UBE2D4: variants seen among roughly 807,000 people sequenced by gnomAD.
UBE2D4 encodes the protein ubiquitin conjugating enzyme E2 D4.
A neutral mutation model predicts 23.0 loss-of-function variants in UBE2D4; 17 were observed. The observed-to-expected ratio is 0.74, with a 90% CI of 0.51 to 1.11. UBE2D4 has a LOEUF of 1.11. Among genes scored for constraint, UBE2D4 ranks in the 50% least tolerant of loss-of-function variants. UBE2D4 has a pLI of 0.00. For synonymous variants in UBE2D4, 61 were observed against 69.4 expected, an observed-to-expected ratio of 0.88 and a Z score of 0.60; for missense variants, 139 against 181.8, an observed-to-expected ratio of 0.76 and a Z score of 1.35.
intron 1 of UBE2D4, among the ~76,000 whole-genome samples, chr7:43,932,323 G>A (rs1051617811): frequency 6.6e-6 from 1 of 152,124 alleles, no homozygotes; most frequent in Non-Finnish European, 1.5e-5. Context: ...ACCAGATCTT[G>A]TGAGAAGAGG....
Position 43,926,512 on chromosome 7 carries a change from G to T in UBE2D4, c.-21G>T. 5.3e-6 allele frequency: 8 copies of T among 1,523,560 alleles called. No individual in the cohort carries two copies. Among genetic ancestry groups the T allele is most frequent in the Non-Finnish European group, 7.0e-6 (8 of 1,136,708 alleles). The allele number at this position is 1,523,560 out of a possible 1,614,324, so 94.4% of individuals were successfully genotyped here. A position where few individuals can be genotyped will look rare whatever the true frequency, so the allele number is the denominator to read the frequency against. On this transcript the variant is annotated 5_prime_UTR_variant, in exon 1 of 7. Transcript: ENST00000222402. The stretch of plus-strand genomic sequence containing the variant: ...CAGGCAGCCCCGGCCGGGCCGCCCG[G>T]GTCCCCGGCAGCGGGGTAGGATGGC...
intron 4 of UBE2D4, among the ~76,000 whole-genome samples, chr7:43,945,411 TTCTG>T (rs1414510717): frequency 1.3e-5 from 2 of 152,220 alleles, no homozygotes; most frequent in African/African-American, 2.4e-5. Flanking sequence ...AAGAAAGTGC[TTCTG>T]TCTTTTAAAA....
chr7:43,949,977 C>G (rs1177196951), intron 5 of UBE2D4, among the ~76,000 whole-genome samples: 2 of 152,156 alleles, frequency 1.3e-5, no homozygotes, highest in Non-Finnish European at 2.9e-5. Context: ...GCCTCAGCCT[C>G]CTGAGTAGCT....
At chr7:43,941,408 G>A (rs1019105017) in intron 2 of UBE2D4, 2 of 152,040 alleles carry the variant, frequency 1.3e-5, no homozygotes, top group Non-Finnish European at 2.9e-5. Flanking sequence ...AGCAGTGAAA[G>A]TCACCTGAGA....
chr7:43,948,708 A>T lies in UBE2D4; in HGVS notation c.275A>T (p.Gln92Leu), dbSNP rs760014603. 1 of 1,613,726 alleles carries T rather than the reference A, an allele frequency of 6.2e-7. No homozygotes were observed. Among genetic ancestry groups the T allele is most frequent in the South Asian group, 1.1e-5 (1 of 91,066 alleles). ...ATCTGCCTTGATATCCTGCGGTCTCAGTGGTCTCCAGCGTTGACTGTGTCA... is the reference window on the plus strand; with the variant it reads ...ATCTGCCTTGATATCCTGCGGTCTCTGTGGTCTCCAGCGTTGACTGTGTCA... Reference protein sequence around the residue: ...GSICLDILRSQWSPALTVSKV... With the variant: ...GSICLDILRSLWSPALTVSKV... The change falls in exon 5 of 7, where the codon CAG (glutamine) becomes CTG (leucine). Residue 92 changes from glutamine (Q) to leucine (L), a missense_variant. Physicochemically the swap from Gln to Leu is moderately radical, Grantham distance 113. Transcript: ENST00000222402.
chr7:43,933,128 A>G (rs934970080), intron 1 of UBE2D4, among the ~76,000 whole-genome samples: 1 of 149,788 alleles, frequency 6.7e-6, no homozygotes, highest in Non-Finnish European at 1.5e-5. Context: ...ATATGTGTGT[A>G]TATACATATA....
At chr7:43,949,679 C>T (rs752305788) in intron 5 of UBE2D4, among the ~76,000 whole-genome samples, 3 of 152,236 alleles carry the variant, frequency 2.0e-5, no homozygotes, top group Non-Finnish European at 4.4e-5. Context: ...GTGCATTTCT[C>T]TCTGGGACCC....
At chr7:43,951,675 C>A (rs753757401) in intron 6 of UBE2D4, among the ~76,000 whole-genome samples, 1 of 152,082 alleles carries the variant, frequency 6.6e-6, no homozygotes, top group Non-Finnish European at 1.5e-5. Context: ...GGACTACAGG[C>A]GTGTCCCACC....
At chr7:43,937,393 G>A (rs180914186) in intron 1 of UBE2D4, among the ~76,000 whole-genome samples, 1 of 152,350 alleles carries the variant, frequency 6.6e-6, no homozygotes, top group East Asian at 1.9e-4. Context: ...TTCTGAGCCT[G>A]TCCTTGGTCC....
At chr7:43,929,016 G>C (rs1456155977) in intron 1 of UBE2D4, among the ~76,000 whole-genome samples, 1 of 152,168 alleles carries the variant, frequency 6.6e-6, no homozygotes. Context: ...GGACAGGCTG[G>C]GTACAGTGGC....
At chr7:43,940,561 G>A (rs1389893253) in intron 2 of UBE2D4, among the ~76,000 whole-genome samples, 1 of 152,212 alleles carries the variant, frequency 6.6e-6, no homozygotes, top group Non-Finnish European at 1.5e-5. Context: ...CAGTGGATGA[G>A]GTTCAGACAG....
intron 6 of UBE2D4, among the ~76,000 whole-genome samples, chr7:43,951,158 C>T (rs561526186): frequency 1.6e-4 from 25 of 152,224 alleles, no homozygotes; most frequent in Non-Finnish European, 3.1e-4. Context: ...TTCGCTGGCT[C>T]AGCTCAGAAG....
chr7:43,942,455 G>A (rs1020229959), intron 2 of UBE2D4: 7 of 397,420 alleles, frequency 1.8e-5, no homozygotes, highest in East Asian at 5.3e-5. Context: ...TTCTGAATAC[G>A]GAGGCTCCAG....
chr7:43,947,060 G>A (rs374223487), intron 4 of UBE2D4: 1 of 151,752 alleles, frequency 6.6e-6, no homozygotes, highest in East Asian at 1.9e-4. Flanking sequence ...CCTGGTATGT[G>A]ATGTTCCCCG....
At chr7:43,934,028 C>G (rs147839761) in intron 1 of UBE2D4, among the ~76,000 whole-genome samples, 3 of 152,106 alleles carry the variant, frequency 2.0e-5, no homozygotes, top group African/African-American at 7.2e-5. Context: ...AAAAGAAAAG[C>G]TTTTGTGAAC....
In UBE2D4 at chr7:43,950,603, CTT is replaced by C; in HGVS notation, c.310_311del (p.Leu104ValfsTer13). 1 of 1,614,170 alleles carries C rather than the reference CTT, an allele frequency of 6.2e-7. No individual in the cohort carries two copies. Among genetic ancestry groups the C allele is most frequent in the Non-Finnish European group, 8.5e-7 (1 of 1,179,972 alleles). On this transcript the variant is annotated frameshift_variant, in exon 6 of 7. Coordinates refer to ENST00000222402, the MANE Select transcript of UBE2D4 (RefSeq NM_015983.4). LOFTEE classifies it high-confidence loss of function. ...AACCTTTTCTTTTCTTCCCAGTTCT[CTT>C]GTCCATCTGCTCGCTGCTCTGCGAC... is the stretch of plus-strand genomic sequence containing the variant. ...SPALTVSKVL[L>X]SICSLLCDPN...
In UBE2D4 at chr7:43,953,363, T is replaced by G; in HGVS notation, c.*668T>G. 2.9e-6 allele frequency: 1 copy of G among 350,874 alleles called. No homozygotes were observed. The highest frequency in any genetic ancestry group is 2.1e-5 in the South Asian group (1 of 47,336). 21.7% of individuals were successfully genotyped at this position (350,874 alleles called of 1,614,324 possible). A position where few individuals can be genotyped will look rare whatever the true frequency, so the allele number is the denominator to read the frequency against. On this transcript the variant is annotated 3_prime_UTR_variant, in exon 7 of 7. Coordinates refer to ENST00000222402, the MANE Select transcript of UBE2D4 (RefSeq NM_015983.4). ...CACATAACACCCCATAAGAGATGAT[T>G]ATGTTTTTAGAAGCAAGAGCAAAAT...
At position 43,952,780 on chromosome 7, in the gene UBE2D4, C is replaced by A; in HGVS notation, c.*85C>A. On this transcript the variant is annotated 3_prime_UTR_variant, in exon 7 of 7. Coordinates refer to ENST00000222402, the MANE Select transcript of UBE2D4 (RefSeq NM_015983.4). ...TTAAAACTTTGGGCTGTTGGCTGAGCCATTCAAAGAGCATCATCTGTTCTT... is the reference window on the plus strand; with the variant it reads ...TTAAAACTTTGGGCTGTTGGCTGAGACATTCAAAGAGCATCATCTGTTCTT... 1.8e-6 allele frequency: 2 copies of A among 1,126,108 alleles called. No homozygotes were observed. The highest frequency in any genetic ancestry group is 2.7e-6 in the Non-Finnish European group (2 of 737,906). The allele number at this position is 1,126,108 out of a possible 1,614,324, so 69.8% of individuals were successfully genotyped here. A position where few individuals can be genotyped will look rare whatever the true frequency, so the allele number is the denominator to read the frequency against.
intron 5 of UBE2D4, chr7:43,949,099 C>A (rs2132797061): frequency 2.9e-6 from 1 of 340,244 alleles, no homozygotes; most frequent in Non-Finnish European, 5.3e-6. Context: ...ACAAAACGGA[C>A]TGTGAGTCAG....
Sources: gnomAD v4.1 joint callset for allele counts (sites outside exome capture counted in the v4.1 genomes callset) on GRCh38, gnomAD v4.1.1 for gene constraint, MANE v1.5 for transcripts, NCBI Gene and HGNC (gene_info 2026-07-23, HGNC 2026-07-21) for gene names.